RHBDD1: variants seen among roughly 807,000 people sequenced by gnomAD.
RHBDD1 encodes rhomboid-related protein 4.
Under a neutral mutation model 36.3 loss-of-function variants are expected in RHBDD1, and 38 were observed. The observed-to-expected ratio is 1.05, with a 90% CI of 0.81 to 1.37. RHBDD1 has a LOEUF of 1.37. Among genes scored for constraint, RHBDD1 ranks in the 40% most tolerant of loss-of-function variants. RHBDD1 has a pLI of 0.00. For synonymous variants in RHBDD1, 151 were observed against 136.5 expected (o/e 1.11, Z -0.74); for missense variants, 393 against 377.6 (o/e 1.04, Z -0.34).
At chr2:226,958,002 T>G (rs1315250979) in intron 8 of RHBDD1, among the ~76,000 whole-genome samples, 1 of 152,232 alleles carries the variant, frequency 6.6e-6, no homozygotes. Flanking sequence ...CTCAGAAGGT[T>G]AAACATACAG....
At chr2:226,842,185 A>G (rs1367136331) in intron 3 of RHBDD1, among the ~76,000 whole-genome samples, 3 of 151,722 alleles carry the variant, frequency 2.0e-5, no homozygotes, top group Non-Finnish European at 4.4e-5. Flanking sequence ...GACTGTGGAT[A>G]TTAAACCTTT....
chr2:226,995,533 TG>T lies in RHBDD1; in HGVS notation c.*14del. On this transcript the variant is annotated 3_prime_UTR_variant, in exon 9 of 9. Coordinates refer to ENST00000392062, the MANE Select transcript of RHBDD1 (RefSeq NM_001167608.3). ...TTCGATAGCCAGTGAGGTGGCATCT[TG>T]GGAAGACATGGCCTATTCGTGTAAT... is the stretch of plus-strand genomic sequence containing the variant. 2.6e-6 allele frequency: 4 copies of T among 1,554,672 alleles called. No homozygotes were observed. The highest frequency in any genetic ancestry group is 3.5e-6 in the Non-Finnish European group (4 of 1,128,904).
intron 8 of RHBDD1, among the ~76,000 whole-genome samples, chr2:226,983,629 C>G (rs924685404): frequency 6.6e-6 from 1 of 150,924 alleles, no homozygotes; most frequent in Non-Finnish European, 1.5e-5. Context: ...CTTTTTTTTT[C>G]CTTATTCCTT....
At position 226,997,758 on chromosome 2, in the gene RHBDD1, C is replaced by T. The variant is rs915373424; in HGVS notation, c.*2236C>T. On this transcript the variant is annotated 3_prime_UTR_variant, in exon 9 of 9. Transcript: ENST00000392062. ...ACGCATGGCTGTTGATGGAGTGGAA[C>T]ATCTTAGTGATGTGAGAAAGGTCAT... The T allele has an allele frequency of 1.3e-5, 2 of 152,158 alleles. No individual in the cohort carries two copies. The highest frequency in any genetic ancestry group is 1.9e-4 in the East Asian group (1 of 5,196). The allele number at this position is 152,158 out of a possible 1,614,324, so 9.4% of individuals were successfully genotyped here. A position where few individuals can be genotyped will look rare whatever the true frequency, so the allele number is the denominator to read the frequency against.
chr2:226,959,051 A>G (rs1951995438), intron 8 of RHBDD1, among the ~76,000 whole-genome samples: 1 of 152,170 alleles, frequency 6.6e-6, no homozygotes, highest in African/African-American at 2.4e-5. Context: ...AGCCTCAGAA[A>G]TCTAAATGTC....
At chr2:226,879,775 G>T in intron 5 of RHBDD1, among the ~76,000 whole-genome samples, 1 of 152,104 alleles carries the variant, frequency 6.6e-6, no homozygotes, top group Non-Finnish European at 1.5e-5. Context: ...TATAAATTCA[G>T]CAATACCCAA....
At chr2:226,923,256 C>G (rs1367149289) in intron 8 of RHBDD1, among the ~76,000 whole-genome samples, 2 of 152,042 alleles carry the variant, frequency 1.3e-5, no homozygotes, top group African/African-American at 4.8e-5. Context: ...TTTTATTTTG[C>G]CTTCATGTTT....
In RHBDD1 at chr2:226,995,644, G is replaced by A; in HGVS notation, c.*122G>A. ...AGCAGAGTACACCGGTATTGCTCCA[G>A]ATCGCTCACATCACCTGGGACAGTC... On this transcript the variant is annotated 3_prime_UTR_variant, in exon 9 of 9. Transcript: ENST00000392062. 1.4e-6 allele frequency: 1 copy of A among 716,184 alleles called. No individual in the cohort carries two copies. The highest frequency in any genetic ancestry group is 2.5e-6 in the Non-Finnish European group (1 of 407,180). 44.4% of individuals were successfully genotyped at this position (716,184 alleles called of 1,614,324 possible).
chr2:226,940,978 G>T (rs561689943), intron 8 of RHBDD1, among the ~76,000 whole-genome samples: 2 of 150,072 alleles, frequency 1.3e-5, no homozygotes, highest in Admixed American at 1.3e-4. Flanking sequence ...ATGGAATCTC[G>T]CTCTATTGCC....
At chr2:226,826,345 A>T in the RHBDD1 span, among the ~76,000 whole-genome samples, 1 of 152,104 alleles carries the variant, frequency 6.6e-6, no homozygotes, top group Non-Finnish European at 1.5e-5. Flanking sequence ...GTTCCGTTAG[A>T]TTAATTGAGA....
intron 8 of RHBDD1, among the ~76,000 whole-genome samples, chr2:226,991,908 A>T (rs1366200398): frequency 6.6e-6 from 1 of 152,194 alleles, no homozygotes; most frequent in Non-Finnish European, 1.5e-5. Context: ...TGTCTCCACG[A>T]GTCCCAGGCA....
At chr2:226,949,330 ATCTGGGTTTTAAGACCAC>A (rs1951253141) in intron 8 of RHBDD1, among the ~76,000 whole-genome samples, 1 of 152,182 alleles carries the variant, frequency 6.6e-6, no homozygotes, top group South Asian at 2.1e-4. Context: ...CTAAGCAAAA[ATCTGGGTTTTAAGACCAC>A]TCTGTTAGGT....
At chr2:226,842,260 GTC>G (rs1941723351) in intron 3 of RHBDD1, among the ~76,000 whole-genome samples, 1 of 152,056 alleles carries the variant, frequency 6.6e-6, no homozygotes, top group African/African-American at 2.4e-5. Flanking sequence ...TCTAATGATA[GTC>G]TCTTTTGCTG....
At chr2:226,904,415 G>A (rs550429873) in intron 5 of RHBDD1, among the ~76,000 whole-genome samples, 4 of 124,532 alleles carry the variant, frequency 3.2e-5, no homozygotes, top group South Asian at 2.6e-4. Flanking sequence ...TCCTGCAAGC[G>A]GGGGGGGAGG....
At chr2:226,820,686 C>T in the RHBDD1 span, among the ~76,000 whole-genome samples, 9 of 151,064 alleles carry the variant, frequency 6.0e-5, no homozygotes, top group South Asian at 6.3e-4. Flanking sequence ...AAAAATTAGC[C>T]GGCCATGGTG....
At chr2:226,981,326 C>T (rs771371994) in intron 8 of RHBDD1, among the ~76,000 whole-genome samples, 2 of 151,402 alleles carry the variant, frequency 1.3e-5, no homozygotes, top group Non-Finnish European at 2.9e-5. Flanking sequence ...GTAACGAGAC[C>T]ACACATTGTG....
intron 8 of RHBDD1, among the ~76,000 whole-genome samples, chr2:226,932,629 T>C (rs1950092689): frequency 4.6e-5 from 7 of 152,022 alleles, no homozygotes. Flanking sequence ...CTTGTCCCTC[T>C]CCCGGTAGTA....
At chr2:226,832,957 G>A (rs757043082), upstream of RHBDD1, among the ~76,000 whole-genome samples, 2 of 152,306 alleles carry the variant, frequency 1.3e-5, no homozygotes, top group Non-Finnish European at 2.9e-5. Flanking sequence ...GTTGCAGTGA[G>A]CCAAGATTGT....
At chr2:226,914,403 G>A (rs746222790) in intron 8 of RHBDD1, 52 bp downstream of exon 8, 24 of 1,554,408 alleles carry the variant, frequency 1.5e-5, no homozygotes, top group Non-Finnish European at 2.1e-5. Flanking sequence ...ATGTGGTAAG[G>A]TAGTCTGAAA....
Sources: allele counts gnomAD v4.1 joint callset (sites outside exome capture counted in the v4.1 genomes callset), GRCh38; gene constraint gnomAD v4.1.1; transcripts MANE v1.5; gene names NCBI Gene and HGNC (gene_info 2026-07-23, HGNC 2026-07-21).